The following JCAD variants were observed in gnomAD, a reference collection of about 807,000 sequenced individuals.
JCAD encodes the protein junctional cadherin 5-associated protein.
A neutral mutation model predicts 98.0 loss-of-function variants in JCAD; 40 were observed. The ratio of observed to expected loss-of-function variants is 0.41; its 90% CI spans 0.32 to 0.53. JCAD has a LOEUF of 0.53. JCAD is among the 20% of genes least tolerant of loss of function. The pLI is 0.31. For missense variants in JCAD, 1,705 were observed against 1,738.1 expected, an observed-to-expected ratio of 0.98 and a Z score of 0.34; for synonymous variants, 691 against 682.3, an observed-to-expected ratio of 1.01 and a Z score of -0.20.
At chr10:30,063,892 C>T (rs1473080132), upstream of JCAD, among the ~76,000 whole-genome samples, 2 of 151,962 alleles carry the variant, frequency 1.3e-5, no homozygotes, top group Non-Finnish European at 2.9e-5. Flanking sequence ...ACTGCAACCT[C>T]CGCGTCAGGG....
chr10:30,052,666 C>T (rs141280943), intron 1 of JCAD, among the ~76,000 whole-genome samples: 9 of 152,266 alleles, frequency 5.9e-5, no homozygotes, highest in Non-Finnish European at 1.0e-4. Context: ...CTTACGCCAA[C>T]GTAAATTCAT....
chr10:30,030,511 C>T (rs2132620973), intron 2 of JCAD, among the ~76,000 whole-genome samples: 1 of 152,266 alleles, frequency 6.6e-6, no homozygotes, highest in South Asian at 2.1e-4. Flanking sequence ...TGGTCTTGGA[C>T]CACTTGCAGC....
intron 1 of JCAD, among the ~76,000 whole-genome samples, chr10:30,093,831 T>G (rs1807177115): frequency 6.6e-6 from 1 of 152,210 alleles, no homozygotes; most frequent in Non-Finnish European, 1.5e-5. Flanking sequence ...TATTTGCAGA[T>G]CCAAGTCCTT....
intron 1 of JCAD, among the ~76,000 whole-genome samples, chr10:30,113,819 C>T (rs1838747267): frequency 1.3e-5 from 2 of 152,166 alleles, no homozygotes; most frequent in Admixed American, 6.6e-5. Flanking sequence ...CATTTGAATA[C>T]TTGAACACCC....
At chr10:30,115,183 A>C (rs1838770950) in intron 1 of JCAD, among the ~76,000 whole-genome samples, 1 of 152,202 alleles carries the variant, frequency 6.6e-6, no homozygotes, top group South Asian at 2.1e-4. Context: ...CAGAGAATTG[A>C]TTCTGCAGCT....
chr10:30,027,259 G>C lies in JCAD; in HGVS notation c.2889C>G (p.Asn963Lys). 6.2e-7 allele frequency: 1 copy of C among 1,614,182 alleles called. No homozygotes were observed. Among genetic ancestry groups the C allele is most frequent in the Non-Finnish European group, 8.5e-7 (1 of 1,180,036 alleles). The change falls in exon 3 of 4, where the codon AAC becomes AAG. Residue 963 changes from asparagine (N) to lysine (K), a missense_variant. Coordinates refer to ENST00000375377, the MANE Select transcript of JCAD (RefSeq NM_020848.4). ...SAEKRHLEVS[N>K]GMDELAGSPF... ...GGCTACCTGCCAGCTCGTCCATTCC[G>C]TTGCTAACCTCCAGGTGTCTCTTCT...
intron 2 of JCAD, among the ~76,000 whole-genome samples, chr10:30,041,198 G>A (rs1324991987): frequency 1.3e-5 from 2 of 151,922 alleles, no homozygotes; most frequent in African/African-American, 4.8e-5. Context: ...CCACACTTAC[G>A]AACGAGACCA....
At chr10:30,021,319 C>A (rs1304259258) in intron 3 of JCAD, among the ~76,000 whole-genome samples, 1 of 152,228 alleles carries the variant, frequency 6.6e-6, no homozygotes, top group Non-Finnish European at 1.5e-5. Context: ...CTCCCTCAGC[C>A]TCCCAAGTAG....
At position 30,027,080 on chromosome 10, in the gene JCAD, T is replaced by C. The variant is rs1375635771; in HGVS notation, c.3068A>G (p.Asp1023Gly). Reference sequence around the variant, plus strand: ...CCCTGCCCCCCTCTCTCCACCACTGTCAAACTTCCGAGGGACCGCTTCACT... The same window carrying C: ...CCCTGCCCCCCTCTCTCCACCACTGCCAAACTTCCGAGGGACCGCTTCACT... ...KPSEAVPRKFDSGGERGAGLP... is the reference protein window; with the variant it reads ...KPSEAVPRKFGSGGERGAGLP... Residue 1023 changes from aspartate to glycine, a missense_variant, in exon 3 of 4, where the codon GAC becomes GGC. Transcript: ENST00000375377. 6.2e-7 allele frequency: 1 copy of C among 1,614,186 alleles called. No individual in the cohort carries two copies. Among genetic ancestry groups the C allele is most frequent in the Admixed American group, 1.7e-5 (1 of 60,020 alleles).
upstream of JCAD, among the ~76,000 whole-genome samples, chr10:30,061,534 T>G (rs1837700563): frequency 6.8e-6 from 1 of 148,038 alleles, no homozygotes; most frequent in South Asian, 2.1e-4. Context: ...AGAGTGAGAC[T>G]CTGTCTCAAG....
At position 30,034,092 on chromosome 10, in the gene JCAD, G is replaced by A. The variant is rs572599120; in HGVS notation, c.282-4226C>T. ...ATAAAAATCGGCCGGGTGTGGTGGC[G>A]GGCATCTGTAATCCTAGCTACCCGG... On this transcript the variant is annotated intron_variant, in intron 2 of 3. Transcript: ENST00000375377. 2.1e-3 allele frequency among the ~76,000 whole-genome samples: 317 copies of A among 151,900 alleles called. 2 individuals are homozygous for A. Among genetic ancestry groups the A allele is most frequent in the African/African-American group, 7.2e-3 (300 of 41,408 alleles).
At chr10:30,020,542 C>T (rs770897384) in intron 3 of JCAD, among the ~76,000 whole-genome samples, 4 of 152,100 alleles carry the variant, frequency 2.6e-5, no homozygotes, top group Non-Finnish European at 5.9e-5. Context: ...ATTCAGAGTA[C>T]TTAAAGCCCT....
intron 1 of JCAD, among the ~76,000 whole-genome samples, chr10:30,054,019 G>A (rs1837520227): frequency 6.6e-6 from 1 of 152,164 alleles, no homozygotes; most frequent in Admixed American, 6.6e-5. Flanking sequence ...CCGAGATCGT[G>A]CCATTGCACC....
At chr10:30,030,868 A>T (rs775228440) in intron 2 of JCAD, among the ~76,000 whole-genome samples, 1 of 151,428 alleles carries the variant, frequency 6.6e-6, no homozygotes, top group African/African-American at 2.4e-5. Context: ...TCCTAGACAC[A>T]TTACATTACA....
Position 30,027,545 on chromosome 10 carries a change from T to TG in JCAD, c.2602dup (p.Gln868ProfsTer24). ...CTGTCTGCAGTGAGCACGGTTCTCC[T>TG]GCTGCGGCTCCGCCTCACTCTCCTC... On this transcript the variant is annotated frameshift_variant, in exon 3 of 4. Transcript: ENST00000375377. LOFTEE classifies it high-confidence loss of function. The TG allele has an allele frequency of 6.2e-7, 1 of 1,613,706 alleles. No homozygotes were observed. Among genetic ancestry groups the TG allele is most frequent in the Non-Finnish European group, 8.5e-7 (1 of 1,180,046 alleles).
rs1198107053 is a variant in JCAD at position 30,092,034 on chromosome 10, CAAAAAAAAA to C, written n.129-22222_129-22214del. ...CAGAGCGAGACTCCATCCCCCACCA[CAAAAAAAAA>C]AAAAAAAAAAAAAAAAAAAAAATAT... On this transcript the variant is annotated intron_variant and non_coding_transcript_variant, in intron 1 of 2. Transcript: ENST00000465712. Among the ~76,000 whole-genome samples the C allele has an allele frequency of 9.8e-3, 348 of 35,376 alleles. 11 individuals are homozygous for C. Among genetic ancestry groups the C allele is most frequent in the African/African-American group, 0.045 (320 of 7,162 alleles). 23.2% of individuals were successfully genotyped at this position (35,376 alleles called of 152,430 possible).
upstream of JCAD, among the ~76,000 whole-genome samples, chr10:30,061,768 A>G (rs1165927440): frequency 3.3e-5 from 5 of 151,870 alleles, no homozygotes; most frequent in African/African-American, 1.2e-4. Flanking sequence ...AGTTATTAAC[A>G]GCAGTGATAT....
intron 1 of JCAD, among the ~76,000 whole-genome samples, chr10:30,115,063 A>G (rs1430979753): frequency 6.6e-6 from 1 of 152,180 alleles, no homozygotes; most frequent in Non-Finnish European, 1.5e-5. Context: ...GACAGTGAAT[A>G]AGACCAACCG....
At chr10:30,033,414 A>T (rs201895890) in intron 2 of JCAD, among the ~76,000 whole-genome samples, 1 of 152,172 alleles carries the variant, frequency 6.6e-6, no homozygotes, top group East Asian at 1.9e-4. Context: ...AAAAGAAGTG[A>T]GTAGATCATG....
Sources: gnomAD v4.1 joint callset for allele counts (sites outside exome capture counted in the v4.1 genomes callset) on GRCh38, gnomAD v4.1.1 for gene constraint, MANE v1.5 for transcripts, NCBI Gene and HGNC (gene_info 2026-07-23, HGNC 2026-07-21) for gene names.